The following ZNF202 variants were observed in gnomAD, a reference collection of about 807,000 sequenced individuals.
The protein encoded by ZNF202 is zinc finger protein 202, also known as zinc finger protein with KRAB and SCAN domains 10.
A neutral mutation model predicts 54.5 loss-of-function variants in ZNF202; 22 were observed. That is an observed-to-expected ratio of 0.40 (90% CI 0.29 to 0.58). The LOEUF (loss-of-function observed/expected upper bound fraction) is 0.58, where lower values mean the gene tolerates loss of function less well. ZNF202 is among the 20% of genes least tolerant of loss of function. ZNF202 has a pLI of 0.39. For synonymous variants in ZNF202, 294 were observed against 301.4 expected (o/e 0.98, Z 0.26); for missense variants, 644 against 805.5 (o/e 0.80, Z 2.43).
intron 4 of ZNF202, among the ~76,000 whole-genome samples, 172 bp from the exon 5 acceptor site, chr11:123,729,997 T>C (rs138705923): frequency 5.9e-4 from 89 of 152,118 alleles, no homozygotes; most frequent in African/African-American, 2.1e-3. Flanking sequence ...AAGGTTATCC[T>C]CCCCAGGACA....
At position 123,730,945 on chromosome 11, in the gene ZNF202, C is replaced by G. The variant is rs573840127; in HGVS notation, c.-57G>C. 2 of 1,552,912 alleles carry G rather than the reference C, an allele frequency of 1.3e-6. No homozygotes were observed. Among genetic ancestry groups the G allele is most frequent in the Non-Finnish European group, 1.7e-6 (2 of 1,149,858 alleles). On this transcript the variant is annotated 5_prime_UTR_variant, in exon 4 of 9. Coordinates refer to ENST00000530393, the MANE Select transcript of ZNF202 (RefSeq NM_003455.4). This position sits in a 1 kb window ranked among gnomAD's most constrained non-coding sequence, Gnocchi z 6.0. ...AGAGCTCACACTGTCATTAGCCCCC[C>G]GCCTCAGCCTGGACACAGCGAGGAT...
At chr11:123,736,644 C>T (rs752599304) in intron 3 of ZNF202, among the ~76,000 whole-genome samples, 72 of 152,292 alleles carry the variant, frequency 4.7e-4, no homozygotes, top group African/African-American at 1.5e-3. Context: ...TATATACAAG[C>T]GCTTACCTAA....
Position 123,730,270 on chromosome 11 carries a change from G to A in ZNF202, c.402+217C>T, listed in dbSNP as rs1861348896. On this transcript the variant is annotated intron_variant, in intron 4 of 8. Coordinates refer to ENST00000530393, the MANE Select transcript of ZNF202 (RefSeq NM_003455.4). The surrounding 1 kb of genome is among the most constrained non-coding windows in gnomAD (Gnocchi z 6.0). Reference sequence around the variant, plus strand: ...AAAGCCATGACCCTTTGGTGGCTGAGACCCCTCAGATGGTCCCTATACAGG... The same window carrying A: ...AAAGCCATGACCCTTTGGTGGCTGAAACCCCTCAGATGGTCCCTATACAGG... Among the ~76,000 whole-genome samples the A allele has an allele frequency of 6.6e-6, 1 of 152,144 alleles. No homozygotes were observed. The highest frequency in any genetic ancestry group is 2.1e-4 in the South Asian group (1 of 4,826).
In ZNF202 at chr11:123,725,800, A is replaced by G. The variant is rs1046941543; in HGVS notation, c.*197T>C. 3.1e-5 allele frequency: 19 copies of G among 613,784 alleles called. No individual in the cohort carries two copies. Among genetic ancestry groups the G allele is most frequent in the Non-Finnish European group, 5.2e-5 (19 of 366,398 alleles). The allele number at this position is 613,784 out of a possible 1,614,324, so 38.0% of individuals were successfully genotyped here. ...ATTCAGGTTGTACTTTGGATGAAAC[A>G]TCCCCTCAAGGCGTAGAGGAAGGCT... On this transcript the variant is annotated 3_prime_UTR_variant, in exon 9 of 9. Transcript: ENST00000530393.
At chr11:123,736,868 A>C (rs1481664270) in intron 3 of ZNF202, among the ~76,000 whole-genome samples, 1 of 152,232 alleles carries the variant, frequency 6.6e-6, no homozygotes, top group African/African-American at 2.4e-5. Context: ...GGCATAGGGT[A>C]GGTGCTCAAT....
intron 3 of ZNF202, among the ~76,000 whole-genome samples, chr11:123,733,501 G>A (rs1861500959): frequency 6.6e-6 from 1 of 152,126 alleles, no homozygotes; most frequent in Admixed American, 6.6e-5. Flanking sequence ...GGATTTAAAT[G>A]TGAGCCCCTT....
At chr11:123,731,145 G>A (rs890289790) in intron 3 of ZNF202, among the ~76,000 whole-genome samples, 160 bp from the exon 4 acceptor site, 1 of 152,216 alleles carries the variant, frequency 6.6e-6, no homozygotes, top group Non-Finnish European at 1.5e-5. Flanking sequence ...CCAGTTGGGA[G>A]AGGATAATTT....
At position 123,725,052 on chromosome 11, in the gene ZNF202, CG is replaced by C. The variant is rs1274232940; in HGVS notation, c.*944del. ...CAGTTTCCAAATCCCCTTACTCATA[CG>C]ACCCCTGTGAAGGGGGGTGTGAAGG... On this transcript the variant is annotated 3_prime_UTR_variant, in exon 9 of 9. Transcript: ENST00000530393. 6.6e-6 allele frequency: 1 copy of C among 152,138 alleles called. No homozygotes were observed. The highest frequency in any genetic ancestry group is 1.5e-5 in the Non-Finnish European group (1 of 68,016). 9.4% of individuals were successfully genotyped at this position (152,138 alleles called of 1,614,324 possible).
chr11:123,726,549 G>T lies in ZNF202; in HGVS notation c.1395C>A (p.Thr465=). 1.2e-6 allele frequency: 2 copies of T among 1,614,208 alleles called. No homozygotes were observed. Among genetic ancestry groups the T allele is most frequent in the Non-Finnish European group, 1.7e-6 (2 of 1,180,038 alleles). The change falls in exon 9 of 9, where the codon ACC becomes ACA. Residue 465 remains threonine (T), a synonymous_variant. Coordinates refer to ENST00000530393, the MANE Select transcript of ZNF202 (RefSeq NM_003455.4). The surrounding 1 kb of genome is among the most constrained non-coding windows in gnomAD (Gnocchi z 6.0). ...YPLNRKNLEE[T]SPVTQAERTP... ...TTCTCTCAGCCTGTGTCACAGGGGA[G>T]GTCTCTTCCAAATTCTTCCGGTTTA...
intron 3 of ZNF202, among the ~76,000 whole-genome samples, chr11:123,737,692 G>A (rs1488124483): frequency 9.8e-6 from 1 of 102,556 alleles, no homozygotes; most frequent in Non-Finnish European, 2.2e-5. Flanking sequence ...ATTCTAAACT[G>A]TTTTTGATGG....
At chr11:123,732,096 CTCTT>C (rs1458181515) in intron 3 of ZNF202, among the ~76,000 whole-genome samples, 3 of 152,176 alleles carry the variant, frequency 2.0e-5, no homozygotes, top group Non-Finnish European at 4.4e-5. Context: ...ATGGTGTGTT[CTCTT>C]TCTTTTTAAC....
intron 3 of ZNF202, among the ~76,000 whole-genome samples, chr11:123,738,304 C>A (rs912656018): frequency 6.6e-6 from 1 of 152,192 alleles, no homozygotes; most frequent in Non-Finnish European, 1.5e-5. Context: ...AGCCACTGCA[C>A]CCAGCCTCAA....
intron 7 of ZNF202, 94 bp downstream of exon 7, chr11:123,728,039 C>T: frequency 7.0e-7 from 1 of 1,430,194 alleles, no homozygotes. Context: ...GAGAAGTTCA[C>T]TGCATACAAT....
chr11:123,734,105 C>CAG (rs780917591), intron 3 of ZNF202, among the ~76,000 whole-genome samples: 54 of 149,084 alleles, frequency 3.6e-4, no homozygotes, highest in East Asian at 9.8e-4. Context: ...GAGAGAGAGA[C>CAG]AGAGAGAGAG....
chr11:123,725,039 C>T lies in ZNF202; in HGVS notation c.*958G>A, dbSNP rs1443963508. Reference sequence around the variant, plus strand: ...CTTTGTAAGTTGACAGTTTCCAAATCCCCTTACTCATACGACCCCTGTGAA... The same window carrying T: ...CTTTGTAAGTTGACAGTTTCCAAATTCCCTTACTCATACGACCCCTGTGAA... On this transcript the variant is annotated 3_prime_UTR_variant, in exon 9 of 9. Transcript: ENST00000530393. 6.6e-6 allele frequency: 1 copy of T among 152,180 alleles called. No individual in the cohort carries two copies. Among genetic ancestry groups the T allele is most frequent in the Non-Finnish European group, 1.5e-5 (1 of 68,036 alleles). The allele number at this position is 152,180 out of a possible 1,614,324, so 9.4% of individuals were successfully genotyped here.
rs1242363711 is a variant in ZNF202 at position 123,724,778 on chromosome 11, A to G, written c.*1219T>C. 6.6e-6 allele frequency: 1 copy of G among 152,200 alleles called. No individual in the cohort carries two copies. The highest frequency in any genetic ancestry group is 1.5e-5 in the Non-Finnish European group (1 of 68,042). The allele number at this position is 152,200 out of a possible 1,614,324, so 9.4% of individuals were successfully genotyped here. On this transcript the variant is annotated 3_prime_UTR_variant, in exon 9 of 9. Transcript: ENST00000530393. The stretch of plus-strand genomic sequence containing the variant: ...CACGTAAGAAAAAGCAAACAACACA[A>G]ATACATGAAAGCCATTTACTCCTGG...
intron 3 of ZNF202, among the ~76,000 whole-genome samples, chr11:123,734,682 G>A (rs1283716529): frequency 6.6e-6 from 1 of 152,190 alleles, no homozygotes; most frequent in Non-Finnish European, 1.5e-5. Flanking sequence ...AAAGCTCTGA[G>A]GGCAGGGATA....
At chr11:123,739,604 G>C (rs891092087) in intron 3 of ZNF202, 2 of 152,130 alleles carry the variant, frequency 1.3e-5, no homozygotes, top group Non-Finnish European at 2.9e-5. Context: ...CTCAAATTTG[G>C]CATATAGCAT....
At chr11:123,729,926 C>A in intron 4 of ZNF202, 101 bp from the exon 5 acceptor site, 1 of 1,196,844 alleles carries the variant, frequency 8.4e-7, no homozygotes, top group Non-Finnish European at 1.1e-6. Flanking sequence ...AAAACACTCC[C>A]AGAGGGACCC....
Sources: allele counts gnomAD v4.1 joint callset (sites outside exome capture counted in the v4.1 genomes callset), GRCh38; gene constraint gnomAD v4.1.1; non-coding constraint Gnocchi (gnomAD v3.1); transcripts MANE v1.5; gene names NCBI Gene and HGNC (gene_info 2026-07-23, HGNC 2026-07-21).